Variants in PRPF40B observed in about 807,000 individuals in gnomAD.
The protein encoded by PRPF40B is pre-mRNA-processing factor 40 homolog B.
In PRPF40B, 56 loss-of-function variants were observed where a neutral mutation model predicts 124.5. The observed-to-expected ratio is 0.45, with a 90% confidence interval of 0.36 to 0.56. The LOEUF is 0.56. Among genes scored for constraint, PRPF40B ranks in the 20% least tolerant of loss-of-function variants. The pLI, the probability that PRPF40B is intolerant of heterozygous loss-of-function variation, is 0.00. For synonymous variants in PRPF40B, 443 were observed against 426.4 expected (o/e 1.04, Z -0.48); for missense variants, 1,053 against 1,169.5 (o/e 0.90, Z 1.45).
At position 49,634,565 on chromosome 12, in the gene PRPF40B, C is replaced by T; in HGVS notation, c.964C>T (p.Gln322Ter). The change falls in exon 12 of 26, where the codon CAG (glutamine) becomes TAG (stop). Residue 322 changes from glutamine (Q) to a stop codon, truncating the protein, a stop_gained. Transcript: ENST00000548825. LOFTEE classifies it high-confidence loss of function. ...KAVPSNASWE[Q>*]AMKMVVTDPR... ...TGTCCCCTCCAATGCCTCATGGGAA[C>T]AGGCCATGAAGATGGTGGTCACCGA... The T allele has an allele frequency of 1.9e-6, 3 of 1,614,210 alleles. No individual in the cohort carries two copies. The highest frequency in any genetic ancestry group is 2.5e-6 in the Non-Finnish European group (3 of 1,180,026).
intron 1 of PRPF40B, among the ~76,000 whole-genome samples, chr12:49,628,401 C>T (rs1390964537): frequency 6.6e-6 from 1 of 152,018 alleles, no homozygotes; most frequent in Admixed American, 6.6e-5. Context: ...GCTGAGACTA[C>T]AGGCGTGTGC....
intron 4 of PRPF40B, chr12:49,632,331 T>A: frequency 1.8e-6 from 1 of 568,064 alleles, no homozygotes; most frequent in South Asian, 2.5e-5. Context: ...GAATTTGGCA[T>A]CCACTGTGAA....
chr12:49,624,303 G>A, intron 1 of PRPF40B: 1 of 464,812 alleles, frequency 2.2e-6, no homozygotes, highest in Non-Finnish European at 2.8e-6. Flanking sequence ...TTAGGAGAAT[G>A]GGTTTGGTAG....
intron 23 of PRPF40B, 145 bp from the exon 24 acceptor site, chr12:49,643,543 AAGC>A: frequency 7.3e-7 from 1 of 1,360,874 alleles, no homozygotes; most frequent in Non-Finnish European, 9.9e-7. Flanking sequence ...CTACCTGCCC[AAGC>A]AAGAAGCTGG....
Position 49,631,358 on chromosome 12 carries a change from G to T in PRPF40B, c.85-43G>T, listed in dbSNP as rs775684491. On this transcript the variant is annotated intron_variant, in intron 2 of 25. Coordinates refer to ENST00000548825, the MANE Select transcript of PRPF40B (RefSeq NM_001031698.3). This position sits in a 1 kb window ranked among gnomAD's most constrained non-coding sequence, Gnocchi z 4.3. ...AGGTCCTCTCTACCTCTGACAAGGC[G>T]ATGTCTTCCCTGCTCAGTATCTCTT... The T allele has an allele frequency of 7.0e-7, 1 of 1,429,184 alleles. No individual in the cohort carries two copies. The highest frequency in any genetic ancestry group is 9.3e-7 in the Non-Finnish European group (1 of 1,075,160). The allele number at this position is 1,429,184 out of a possible 1,614,324, so 88.5% of individuals were successfully genotyped here.
At chr12:49,623,680 G>T in intron 1 of PRPF40B, 87 bp downstream of exon 1, 1 of 1,220,482 alleles carries the variant, frequency 8.2e-7, no homozygotes, top group East Asian at 3.2e-5. Context: ...GGGCGGGGAG[G>T]CCGCTGGGGA....
In PRPF40B at chr12:49,635,540, A is replaced by G. The variant is rs145241139; in HGVS notation, c.1275+67A>G. ...GGACTTTCCTTGTCTTTGCTTTGTT[A>G]TGGACCCTCGCCATTTACTTCTCTA... On this transcript the variant is annotated intron_variant, in intron 14 of 25. Transcript: ENST00000548825. This position sits in a 1 kb window ranked among gnomAD's most constrained non-coding sequence, Gnocchi z 4.1. 2.1e-6 allele frequency: 3 copies of G among 1,451,244 alleles called. No individual in the cohort carries two copies. The highest frequency in any genetic ancestry group is 4.0e-5 in the Admixed American group (2 of 50,198). The allele number at this position is 1,451,244 out of a possible 1,614,324, so 89.9% of individuals were successfully genotyped here.
intron 1 of PRPF40B, among the ~76,000 whole-genome samples, chr12:49,630,202 A>T (rs950936031): frequency 3.9e-5 from 6 of 152,266 alleles, no homozygotes; most frequent in Admixed American, 3.3e-4. Context: ...AGCCTTGCCC[A>T]CAGGCAGGAT....
chr12:49,623,479 C>T, upstream of PRPF40B: 2 of 1,171,954 alleles, frequency 1.7e-6, no homozygotes, highest in Non-Finnish European at 2.1e-6. Flanking sequence ...GCCCCGGCCA[C>T]GAAGGGGTGC....
In PRPF40B at chr12:49,631,313, G is replaced by A. The variant is rs1383134420; in HGVS notation, c.85-88G>A. The A allele has an allele frequency of 6.4e-6, 6 of 943,072 alleles. No homozygotes were observed. The highest frequency in any genetic ancestry group is 5.1e-5 in the African/African-American group (3 of 58,752). The allele number at this position is 943,072 out of a possible 1,614,324, so 58.4% of individuals were successfully genotyped here. A position where few individuals can be genotyped will look rare whatever the true frequency, so the allele number is the denominator to read the frequency against. ...AGCAGGGTGGAGGGTTGGGGAGGGA[G>A]GTGGTGGATATTTCCTGACAGGTCC... On this transcript the variant is annotated intron_variant, in intron 2 of 25. Transcript: ENST00000548825. This position sits in a 1 kb window ranked among gnomAD's most constrained non-coding sequence, Gnocchi z 4.3.
At position 49,635,952 on chromosome 12, in the gene PRPF40B, T is replaced by A; in HGVS notation, c.1385T>A (p.Leu462His). 1.2e-6 allele frequency: 2 copies of A among 1,614,108 alleles called. No homozygotes were observed. Among genetic ancestry groups the A allele is most frequent in the Non-Finnish European group, 1.7e-6 (2 of 1,179,998 alleles). ...QTTWSQAQQYLMDNPSFAQDH... is the reference protein window; with the variant it reads ...QTTWSQAQQYHMDNPSFAQDH... ...ACGTGGTCCCAGGCCCAGCAGTACC[T>A]CATGGATAACCCCAGCTTTGCTCAG... is the stretch of plus-strand genomic sequence containing the variant. The change falls in exon 15 of 26, where the codon CTC becomes CAC. Residue 462 changes from leucine (L) to histidine (H), a missense_variant. Physicochemically the swap from Leu to His is moderately conservative, Grantham distance 99. Transcript: ENST00000548825. This position sits in a 1 kb window ranked among gnomAD's most constrained non-coding sequence, Gnocchi z 4.1.
In PRPF40B at chr12:49,633,412, C is replaced by A. The variant is rs1696490061; in HGVS notation, c.460-15C>A. On this transcript the variant is annotated splice_polypyrimidine_tract_variant and intron_variant, in intron 7 of 25. Coordinates refer to ENST00000548825, the MANE Select transcript of PRPF40B (RefSeq NM_001031698.3). ...TGCCCATCCCACTGATGGCTCCTAT[C>A]CCATCCACTTGCAGCTGCTCCTGTC... The A allele has an allele frequency of 6.2e-7, 1 of 1,613,984 alleles. No homozygotes were observed. Among genetic ancestry groups the A allele is most frequent in the Non-Finnish European group, 8.5e-7 (1 of 1,179,984 alleles).
rs1321415872 is a variant in PRPF40B, at chr12:49,644,095, A to G, written c.2587-5A>G. ...TAAGGGTGAACTGTGCCTTTGCTCCAACAGACAGGCTGGGACACGTCAGAA... is the reference window on the plus strand; with the variant it reads ...TAAGGGTGAACTGTGCCTTTGCTCCGACAGACAGGCTGGGACACGTCAGAA... On this transcript the variant is annotated splice_region_variant and splice_polypyrimidine_tract_variant and intron_variant, in intron 25 of 25. Coordinates refer to ENST00000548825, the MANE Select transcript of PRPF40B (RefSeq NM_001031698.3). 1 of 1,614,186 alleles carries G rather than the reference A, an allele frequency of 6.2e-7. No individual in the cohort carries two copies. The highest frequency in any genetic ancestry group is 8.5e-7 in the Non-Finnish European group (1 of 1,180,026).
At position 49,637,581 on chromosome 12, in the gene PRPF40B, C is replaced by T; in HGVS notation, c.1672C>T (p.Pro558Ser). 6.2e-7 allele frequency: 1 copy of T among 1,613,198 alleles called. No homozygotes were observed. The highest frequency in any genetic ancestry group is 8.5e-7 in the Non-Finnish European group (1 of 1,179,744). ...DVRFANMLGQ[P>S]GSTPLDLFKF... ...CCGCTTTGCCAACATGCTGGGCCAG[C>T]CGGGTAAGGCAGCCAGGCTCCCCCT... Residue 558 changes from proline to serine, a missense_variant, in exon 17 of 26, where the codon CCG becomes TCG. Transcript: ENST00000548825.
intron 4 of PRPF40B, chr12:49,632,212 A>G: frequency 1.7e-6 from 1 of 588,718 alleles, no homozygotes; most frequent in Non-Finnish European, 3.0e-6. Flanking sequence ...GGACACATGA[A>G]TATAGTTCTT....
intron 18 of PRPF40B, chr12:49,640,572 C>T (rs761069026): frequency 6.6e-6 from 1 of 152,124 alleles, no homozygotes; most frequent in Non-Finnish European, 1.5e-5. Context: ...GGGGGCAGCA[C>T]ATGTTTTAGA....
Position 49,644,488 on chromosome 12 carries a change from AAG to A in PRPF40B, c.*299_*300del, listed in dbSNP as rs756361376. 6.7e-5 allele frequency: 28 copies of A among 415,294 alleles called. No homozygotes were observed. The highest frequency in any genetic ancestry group is 2.2e-4 in the African/African-American group (11 of 49,620). 25.7% of individuals were successfully genotyped at this position (415,294 alleles called of 1,614,324 possible). ...AGTGTGAGAGAAGGGGTCTCCAGGG[AAG>A]AGTCACAGGCTGTTGGACGCAGCCT... On this transcript the variant is annotated 3_prime_UTR_variant, in exon 26 of 26. Coordinates refer to ENST00000548825, the MANE Select transcript of PRPF40B (RefSeq NM_001031698.3).
chr12:49,625,740 C>T (rs1940651611), intron 1 of PRPF40B, among the ~76,000 whole-genome samples: 3 of 152,218 alleles, frequency 2.0e-5, no homozygotes, highest in African/African-American at 4.8e-5. Flanking sequence ...GACACAGGAT[C>T]TGCTTCTCTT....
In PRPF40B at chr12:49,637,530, C is replaced by G. The variant is rs1942000147; in HGVS notation, c.1621C>G (p.Leu541Val). Residue 541 changes from leucine (L) to valine (V), a missense_variant, in exon 17 of 26, where the codon CTA (leucine) becomes GTA (valine). Around this residue, in one of 2 missense-constraint regions of PRPF40B, gnomAD observed 895 missense variants for 1,052.2 expected, o/e 0.85. Transcript: ENST00000548825. ...GCACTCTATGTCCACCTGGATGGAG[C>G]TATATCCAGCAGTCAGCACTGATGT... is the stretch of plus-strand genomic sequence containing the variant. ...QLHSMSTWME[L>V]YPAVSTDVRF... 1 of 1,613,824 alleles carries G rather than the reference C, an allele frequency of 6.2e-7. No homozygotes were observed. Among genetic ancestry groups the G allele is most frequent in the South Asian group, 1.1e-5 (1 of 91,088 alleles).
Sources: allele counts gnomAD v4.1 joint callset (sites outside exome capture counted in the v4.1 genomes callset), GRCh38; gene constraint gnomAD v4.1.1; regional missense constraint gnomAD v4.1.1; non-coding constraint Gnocchi (gnomAD v3.1); transcripts MANE v1.5; gene names NCBI Gene and HGNC (gene_info 2026-07-23, HGNC 2026-07-21).